ESRRG: variants seen among roughly 807,000 people sequenced by gnomAD.
ESRRG encodes the protein estrogen-related receptor gamma.
In ESRRG, 13 loss-of-function variants were observed where a neutral mutation model predicts 44.0. That is an observed-to-expected ratio of 0.30 (90% CI 0.19 to 0.47). The LOEUF (loss-of-function observed/expected upper bound fraction) is 0.47, where lower values mean the gene tolerates loss of function less well. ESRRG is among the 20% of genes least tolerant of loss of function. ESRRG has a pLI of 1.00. For synonymous variants in ESRRG, 215 were observed against 214.6 expected, an observed-to-expected ratio of 1.00 and a Z score of -0.02; for missense variants, 395 against 580.6, an observed-to-expected ratio of 0.68 and a Z score of 3.29.
At chr1:217,018,414 C>G (rs1199236477) in intron 1 of ESRRG, among the ~76,000 whole-genome samples, 1 of 152,120 alleles carries the variant, frequency 6.6e-6, no homozygotes, top group Admixed American at 6.6e-5. Flanking sequence ...AGATGTGGCA[C>G]CTTTCTGCTA....
chr1:216,521,318 T>G (rs904406046), intron 5 of ESRRG, among the ~76,000 whole-genome samples: 4 of 152,140 alleles, frequency 2.6e-5, no homozygotes, highest in African/African-American at 9.7e-5. Context: ...CAATGTTATA[T>G]TCACAACAAA....
intron 1 of ESRRG, among the ~76,000 whole-genome samples, chr1:216,710,119 T>A (rs969792150): frequency 6.6e-6 from 1 of 152,118 alleles, no homozygotes; most frequent in Non-Finnish European, 1.5e-5. Flanking sequence ...CGGGTACAAG[T>A]CCAGAGTGGC....
At chr1:216,945,003 A>G (rs1042088416) in intron 1 of ESRRG, among the ~76,000 whole-genome samples, 2 of 152,144 alleles carry the variant, frequency 1.3e-5, no homozygotes, top group African/African-American at 4.8e-5. Flanking sequence ...TCCAGTGGTT[A>G]TTATGACATA....
intron 5 of ESRRG, among the ~76,000 whole-genome samples, chr1:216,552,705 C>A (rs1029448674): frequency 5.9e-5 from 9 of 152,092 alleles, no homozygotes; most frequent in African/African-American, 1.9e-4. Context: ...CCTTAAAATA[C>A]AAAGGTCTAG....
At chr1:216,792,397 T>G (rs1025332531) in intron 2 of ESRRG, among the ~76,000 whole-genome samples, 6 of 151,724 alleles carry the variant, frequency 4.0e-5, no homozygotes, top group Admixed American at 6.6e-5. Flanking sequence ...ATTTCCAGGG[T>G]TTTTTTTGCC....
intron 2 of ESRRG, among the ~76,000 whole-genome samples, chr1:216,829,913 C>G (rs1227476797): frequency 6.6e-6 from 1 of 152,152 alleles, no homozygotes; most frequent in Non-Finnish European, 1.5e-5. Flanking sequence ...GAGGGGGATT[C>G]ATGGAACAAA....
At chr1:217,059,877 A>C (rs557361318) in intron 1 of ESRRG, among the ~76,000 whole-genome samples, 1 of 152,140 alleles carries the variant, frequency 6.6e-6, no homozygotes, top group East Asian at 1.9e-4. Flanking sequence ...AATGATTAAA[A>C]GAGGATTCAA....
intron 2 of ESRRG, among the ~76,000 whole-genome samples, chr1:216,886,145 G>A (rs2096515093): frequency 6.6e-6 from 1 of 152,118 alleles, no homozygotes; most frequent in Non-Finnish European, 1.5e-5. Context: ...GGAACAACCA[G>A]CTGAACACAA....
chr1:216,778,354 G>A (rs2093689850), intron 2 of ESRRG, among the ~76,000 whole-genome samples: 1 of 151,976 alleles, frequency 6.6e-6, no homozygotes, highest in Non-Finnish European at 1.5e-5. Flanking sequence ...TTAGAGCCTT[G>A]GGAGAGGCAT....
chr1:216,636,348 G>C (rs796611274), intron 3 of ESRRG, among the ~76,000 whole-genome samples: 19 of 152,110 alleles, frequency 1.2e-4, no homozygotes, highest in African/African-American at 4.3e-4. Flanking sequence ...TTTTTCTCAG[G>C]CTTGAGTTTC....
At chr1:216,722,780 TCTAA>T (rs1181409289) in intron 1 of ESRRG, among the ~76,000 whole-genome samples, 1 of 152,214 alleles carries the variant, frequency 6.6e-6, no homozygotes, top group Admixed American at 6.5e-5. Context: ...CAATTTTGCC[TCTAA>T]CTCTGCGCGG....
intron 2 of ESRRG, among the ~76,000 whole-genome samples, chr1:216,759,333 G>A (rs991905701): frequency 1.3e-5 from 2 of 151,932 alleles, no homozygotes; most frequent in African/African-American, 4.8e-5. Context: ...TTAACGGAGG[G>A]GCTCTGTCCA....
At chr1:216,653,580 T>C (rs1367388258) in intron 2 of ESRRG, among the ~76,000 whole-genome samples, 1 of 152,312 alleles carries the variant, frequency 6.6e-6, no homozygotes, top group Non-Finnish European at 1.5e-5. Context: ...GAATTATCTA[T>C]CTTTGCCACT....
intron 2 of ESRRG, among the ~76,000 whole-genome samples, chr1:216,831,591 A>G (rs1037429417): frequency 2.6e-5 from 4 of 152,244 alleles, no homozygotes; most frequent in East Asian, 3.9e-4. Flanking sequence ...ATTACTAAAT[A>G]CTAATAGAAA....
intron 1 of ESRRG, among the ~76,000 whole-genome samples, chr1:216,972,567 A>G (rs984133651): frequency 3.9e-5 from 6 of 152,202 alleles, no homozygotes; most frequent in African/African-American, 1.4e-4. Flanking sequence ...GACTCTGCTC[A>G]TCAACGGACT....
intron 2 of ESRRG, among the ~76,000 whole-genome samples, chr1:216,767,499 C>T (rs1404103220): frequency 6.6e-6 from 1 of 152,126 alleles, no homozygotes; most frequent in Non-Finnish European, 1.5e-5. Context: ...TTGTCAGCTA[C>T]AGCTCCATGA....
In ESRRG at chr1:217,021,238, A is replaced by G. The variant is rs541740085; in HGVS notation, c.-106+68269T>C. Among the ~76,000 whole-genome samples the G allele has an allele frequency of 2.0e-5, 3 of 152,294 alleles. No individual in the cohort carries two copies. In the South Asian group the frequency reaches 6.2e-4, roughly 32 times the overall value. ...GTGGGACTAGCTGGTTGCCCAGTAGAGTGGATGGTTCATGGTGAGCCATTC... is the reference window on the plus strand; with the variant it reads ...GTGGGACTAGCTGGTTGCCCAGTAGGGTGGATGGTTCATGGTGAGCCATTC... On this transcript the variant is annotated intron_variant, in intron 1 of 7. Transcript: ENST00000359162.
In ESRRG at chr1:216,538,257, T is replaced by A. The variant is rs574117868; in HGVS notation, c.863-18836A>T. ...ACTTGGTTTTTAAAAAATTAAAAAT[T>A]TTGTGTGTGTGTGTGTGTGCCCAGA... On this transcript the variant is annotated intron_variant, in intron 5 of 6. Coordinates refer to ENST00000408911, the MANE Select transcript of ESRRG (RefSeq NM_001438.4). 3.6e-4 allele frequency among the ~76,000 whole-genome samples: 35 copies of A among 97,044 alleles called. No homozygotes were observed. The East Asian group carries it at 7.7e-3, about 21-fold the overall frequency. 63.7% of individuals were successfully genotyped at this position (97,044 alleles called of 152,430 possible).
chr1:216,508,686 G>T (rs896899231), intron 6 of ESRRG, among the ~76,000 whole-genome samples: 11 of 152,144 alleles, frequency 7.2e-5, no homozygotes, highest in Admixed American at 7.2e-4. Context: ...AATTTCTAAA[G>T]TTGTCTAGGG....
Sources: allele counts gnomAD v4.1 joint callset (sites outside exome capture counted in the v4.1 genomes callset), GRCh38; gene constraint gnomAD v4.1.1; transcripts MANE v1.5; gene names NCBI Gene and HGNC (gene_info 2026-07-23, HGNC 2026-07-21).